Variants in TRIOBP observed in about 807,000 individuals in gnomAD.
The protein encoded by TRIOBP is TRIO and F-actin binding protein, also known as TRIO and F-actin-binding protein.
A neutral mutation model predicts 238.8 loss-of-function variants in TRIOBP; 169 were observed. The ratio of observed to expected loss-of-function variants is 0.71; its 90% CI spans 0.62 to 0.80. The LOEUF (loss-of-function observed/expected upper bound fraction) is 0.80. Ranked by LOEUF, TRIOBP falls within the 30% of genes least tolerant of loss-of-function variation. The probability of loss-of-function intolerance (pLI) is 0.00; values close to 1 mark genes in which losing one functional copy is unlikely to be tolerated. For missense variants in TRIOBP, 2,838 were observed against 3,122.6 expected (o/e 0.91, Z 2.17); for synonymous variants, 1,150 against 1,274.4 (o/e 0.90, Z 2.08).
chr22:37,748,070 C>T (rs1445457396), intron 11 of TRIOBP, among the ~76,000 whole-genome samples: 1 of 152,010 alleles, frequency 6.6e-6, no homozygotes, highest in East Asian at 1.9e-4. Context: ...TGGACAGAAA[C>T]GGGTGGTCAT....
At position 37,723,280 on chromosome 22, in the gene TRIOBP, C is replaced by T. The variant is rs1238648516; in HGVS notation, c.724C>T (p.Gln242Ter). Residue 242 changes from glutamine to a stop codon, truncating the protein, a stop_gained, in exon 7 of 24, where the codon CAG (glutamine) becomes TAG (stop). Transcript: ENST00000644935. LOFTEE classifies it high-confidence loss of function. ...GGAGCGGCACCGGTCAACACTGACC[C>T]AGGCTTCCTCCATGACACCACACAG... ...SLERHRSTLT[Q>*]ASSMTPHSGP... 6.2e-7 allele frequency: 1 copy of T among 1,614,104 alleles called. No homozygotes were observed. The highest frequency in any genetic ancestry group is 8.5e-7 in the Non-Finnish European group (1 of 1,179,988).
In TRIOBP at chr22:37,741,114, GGA is replaced by G. The variant is rs1057389891; in HGVS notation, c.5322+90_5322+91del. ...AGGGAGGAGGGGGCTGTTAAGCAAA[GGA>G]GAGAGAGTGGGGGCTGAGGAGGAGG... On this transcript the variant is annotated intron_variant, in intron 11 of 23. Coordinates refer to ENST00000644935, the MANE Select transcript of TRIOBP (RefSeq NM_001039141.3). 10 of 1,520,882 alleles carry G rather than the reference GGA, an allele frequency of 6.6e-6. No homozygotes were observed. In the Admixed American group the frequency reaches 7.9e-5, roughly 12 times the overall value. 94.2% of individuals were successfully genotyped at this position (1,520,882 alleles called of 1,614,324 possible).
chr22:37,741,301 T>G (rs369476108), intron 11 of TRIOBP, among the ~76,000 whole-genome samples: 1 of 152,094 alleles, frequency 6.6e-6, no homozygotes. Context: ...GCTGAAAGCT[T>G]CCAATCAGCA....
Position 37,710,517 on chromosome 22 carries a change from T to G in TRIOBP, c.205T>G (p.Ser69Ala). 1 of 1,611,802 alleles carries G rather than the reference T, an allele frequency of 6.2e-7. No homozygotes were observed. The highest frequency in any genetic ancestry group is 8.5e-7 in the Non-Finnish European group (1 of 1,179,742). Residue 69 changes from serine (S) to alanine (A), a missense_variant, in exon 4 of 24, where the codon TCC (serine) becomes GCC (alanine). Physicochemically the swap from Ser to Ala is moderately conservative, Grantham distance 99. This residue lies in a region of TRIOBP where 535 missense variants were observed against 537.3 expected (regional missense o/e 1.00). Coordinates refer to ENST00000644935, the MANE Select transcript of TRIOBP (RefSeq NM_001039141.3). ...TGAGGACCCACTCAGCGCCTCAACC[T>G]CCGGCTGCCAGTCTGTGGTGGACCC... ...APEDPLSAST[S>A]GCQSVVDPGL...
chr22:37,733,666 CTTTT>C (rs529942326), intron 8 of TRIOBP, among the ~76,000 whole-genome samples: 56 of 97,378 alleles, frequency 5.8e-4, no homozygotes, highest in Middle Eastern at 6.3e-3. Flanking sequence ...GCACTGCTGT[CTTTT>C]TTTTTTTTTT....
rs770696452 is a variant in TRIOBP, at chr22:37,735,260, C to T, written c.4924C>T (p.His1642Tyr). Residue 1642 changes from histidine to tyrosine, a missense_variant, in exon 9 of 24, where the codon CAC becomes TAC. By Grantham distance (83) the His-to-Tyr change is moderately conservative. Coordinates refer to ENST00000644935, the MANE Select transcript of TRIOBP (RefSeq NM_001039141.3). ...GGCCGAGGCCACCCCAGTCAATGGA[C>T]ACAGCCCCGCACTGCAGTCCCAGAG... ...GWAEATPVNG[H>Y]SPALQSQSPV... 2 of 1,604,146 alleles carry T rather than the reference C, an allele frequency of 1.2e-6. No individual in the cohort carries two copies.
Position 37,726,515 on chromosome 22 carries a change from G to T in TRIOBP, c.3947+12G>T. On this transcript the variant is annotated intron_variant, in intron 7 of 23. Coordinates refer to ENST00000644935, the MANE Select transcript of TRIOBP (RefSeq NM_001039141.3). ...GGGCAAGAGCGCAGGTGAGCCCGGG[G>T]GTGGGGTCAGCCAGGTGGGCTGGGG... is the stretch of plus-strand genomic sequence containing the variant. 6.8e-7 allele frequency: 1 copy of T among 1,472,764 alleles called. No individual in the cohort carries two copies. The highest frequency in any genetic ancestry group is 8.9e-7 in the Non-Finnish European group (1 of 1,117,996). 91.2% of individuals were successfully genotyped at this position (1,472,764 alleles called of 1,614,324 possible). A position where few individuals can be genotyped will look rare whatever the true frequency, so the allele number is the denominator to read the frequency against.
In TRIOBP at chr22:37,715,866, C is replaced by G. The variant is rs1369436691; in HGVS notation, c.560C>G (p.Ser187Cys). The change falls in exon 6 of 24, where the codon TCC becomes TGC. Residue 187 changes from serine (S) to cysteine (C), a missense_variant. Physicochemically the swap from Ser to Cys is moderately radical, Grantham distance 112. Transcript: ENST00000644935. ...CGGGAGGGGCCGAGAGCTGACAGCT[C>G]CCAAAGGGCTCCGTCTCTCCTCACC... ...RPREGPRADS[S>C]QRAPSLLTRS... is the part of the protein sequence containing the mutation. The G allele has an allele frequency of 6.2e-7, 1 of 1,613,870 alleles. No homozygotes were observed. Among genetic ancestry groups the G allele is most frequent in the African/African-American group, 1.3e-5 (1 of 75,028 alleles).
intron 17 of TRIOBP, among the ~76,000 whole-genome samples, chr22:37,763,912 C>A (rs1423542105): frequency 6.6e-6 from 1 of 152,236 alleles, no homozygotes; most frequent in Non-Finnish European, 1.5e-5. Flanking sequence ...TATCCCTTGC[C>A]TGCTCCAGCT....
At chr22:37,719,846 G>A (rs546977932) in intron 6 of TRIOBP, among the ~76,000 whole-genome samples, 3 of 148,952 alleles carry the variant, frequency 2.0e-5, no homozygotes, top group Non-Finnish European at 3.0e-5. Context: ...CTTGGCTTTC[G>A]GTACTGTCTG....
chr22:37,725,680 C>G lies in TRIOBP; in HGVS notation c.3124C>G (p.Pro1042Ala). The G allele has an allele frequency of 6.2e-7, 1 of 1,613,282 alleles. No individual in the cohort carries two copies. The highest frequency in any genetic ancestry group is 8.5e-7 in the Non-Finnish European group (1 of 1,179,790). ...GCAGCACGACCCCTTCCCCTTCTTC[C>G]CAGAGCCCCGCGCCCCTGAGAGTGA... ...YLQHDPFPFFPEPRAPESEPP... is the reference protein window; with the variant it reads ...YLQHDPFPFFAEPRAPESEPP... The change falls in exon 7 of 24, where the codon CCA becomes GCA. Residue 1042 changes from proline (P) to alanine (A), a missense_variant. Pro to Ala is a conservative substitution (Grantham distance 27). This residue lies in a region of TRIOBP where 2,096 missense variants were observed against 2,137.4 expected (regional missense o/e 0.98). Coordinates refer to ENST00000644935, the MANE Select transcript of TRIOBP (RefSeq NM_001039141.3).
intron 16 of TRIOBP, 75 bp from the exon 17 acceptor site, chr22:37,759,079 C>G (rs978858449): frequency 8.0e-6 from 10 of 1,248,192 alleles, no homozygotes; most frequent in African/African-American, 1.5e-5. Flanking sequence ...AGCTGGAAGC[C>G]TGCGGGCTCC....
At chr22:37,769,234 C>A (rs750716382) in intron 20 of TRIOBP, 28 bp from the exon 21 acceptor site, 1 of 1,605,246 alleles carries the variant, frequency 6.2e-7, no homozygotes, top group Non-Finnish European at 8.5e-7. Flanking sequence ...TCCCGGCACC[C>A]CTCCCCTGAC....
chr22:37,742,464 C>T (rs1029808212), intron 11 of TRIOBP, among the ~76,000 whole-genome samples: 21 of 150,474 alleles, frequency 1.4e-4, no homozygotes, highest in African/African-American at 4.9e-4. Flanking sequence ...GGTTTCACCA[C>T]GTTGGCCAGG....
At chr22:37,743,945 G>C (rs1387336382) in intron 11 of TRIOBP, among the ~76,000 whole-genome samples, 2 of 151,590 alleles carry the variant, frequency 1.3e-5, no homozygotes, top group Non-Finnish European at 2.9e-5. Context: ...GAACCATCAG[G>C]GGGTAGAAGG....
intron 3 of TRIOBP, among the ~76,000 whole-genome samples, chr22:37,705,586 T>G (rs533759684): frequency 6.6e-6 from 1 of 151,974 alleles, no homozygotes; most frequent in African/African-American, 2.4e-5. Flanking sequence ...TTGTTTTTGT[T>G]TTTTTTTGAG....
In TRIOBP at chr22:37,759,368, A is replaced by T. The variant is rs1266196760; in HGVS notation, c.6324+104A>T. ...GGGAGCCCTTCCTGTGTGTGCTGGA[A>T]CCTGTGTGGGGCATTTGACATGCGT... On this transcript the variant is annotated intron_variant, in intron 17 of 23. Transcript: ENST00000644935. 3 of 1,324,572 alleles carry T rather than the reference A, an allele frequency of 2.3e-6. No homozygotes were observed. In the Admixed American group the frequency reaches 5.0e-5, roughly 22 times the overall value. 82.1% of individuals were successfully genotyped at this position (1,324,572 alleles called of 1,614,324 possible).
intron 21 of TRIOBP, among the ~76,000 whole-genome samples, chr22:37,770,655 G>T (rs1926729324): frequency 6.6e-6 from 1 of 151,618 alleles, no homozygotes; most frequent in Non-Finnish European, 1.5e-5. Flanking sequence ...GGGATTACAG[G>T]CGTGAGCCAC....
At chr22:37,702,392 C>T (rs1343326795) in intron 3 of TRIOBP, among the ~76,000 whole-genome samples, 2 of 151,644 alleles carry the variant, frequency 1.3e-5, no homozygotes, top group Non-Finnish European at 2.9e-5. Flanking sequence ...TTAGTAGAAA[C>T]GGGGTTTCGC....
Sources: gnomAD v4.1 joint callset for allele counts (sites outside exome capture counted in the v4.1 genomes callset) on GRCh38, gnomAD v4.1.1 for gene constraint, gnomAD v4.1.1 regional missense constraint, MANE v1.5 for transcripts, NCBI Gene and HGNC (gene_info 2026-07-23, HGNC 2026-07-21) for gene names.